Variants in ANK2 observed in about 807,000 individuals in gnomAD.
The protein encoded by ANK2 is ankyrin-2.
ANK2 carries 83 observed loss-of-function variants against 360.5 expected under a neutral mutation model. That is an observed-to-expected ratio of 0.23 (90% CI 0.19 to 0.28). ANK2 has a LOEUF of 0.28. Among genes scored for constraint, ANK2 ranks in the 10% least tolerant of loss-of-function variants. The probability of loss-of-function intolerance (pLI) is 1.00; values close to 1 mark genes in which losing one functional copy is unlikely to be tolerated. For missense variants in ANK2, 4,201 were observed against 4,795.7 expected, an observed-to-expected ratio of 0.88 and a Z score of 3.66; for synonymous variants, 1,740 against 1,759.5, an observed-to-expected ratio of 0.99 and a Z score of 0.28.
chr4:112,917,601 T>C (rs1459401630), intron 2 of ANK2, among the ~76,000 whole-genome samples: 1 of 152,222 alleles, frequency 6.6e-6, no homozygotes, highest in Non-Finnish European at 1.5e-5. Context: ...TATTAAGATA[T>C]ATTATTAGAT....
rs1024508602 is a variant in ANK2, at chr4:113,298,196, T to C, written c.2476-4571T>C. ...TTCAGTGACTCACCTTTGTTAGGAC[T>C]TCAAAAAACATCTACCCTAGTTTTT... is the stretch of plus-strand genomic sequence containing the variant. On this transcript the variant is annotated intron_variant, in intron 22 of 45. Transcript: ENST00000357077. Among the ~76,000 whole-genome samples the C allele has an allele frequency of 3.7e-4, 57 of 152,218 alleles. 1 individual carries two copies. Among genetic ancestry groups the C allele is most frequent in the African/African-American group, 1.3e-3 (54 of 41,448 alleles).
At chr4:112,890,445 T>C (rs1181378546) in intron 1 of ANK2, among the ~76,000 whole-genome samples, 3 of 152,056 alleles carry the variant, frequency 2.0e-5, no homozygotes, top group Non-Finnish European at 2.9e-5. Flanking sequence ...GAATATTACA[T>C]GTCCTTCAAA....
chr4:112,926,475 G>T (rs1183134538), intron 2 of ANK2, among the ~76,000 whole-genome samples: 1 of 152,166 alleles, frequency 6.6e-6, no homozygotes. Flanking sequence ...ATTCAATTAT[G>T]TCAGCATAAA....
chr4:113,014,639 CT>C (rs35418045), intron 2 of ANK2, among the ~76,000 whole-genome samples: 2 of 151,208 alleles, frequency 1.3e-5, no homozygotes, highest in African/African-American at 2.4e-5. Flanking sequence ...GGCCCAGAAT[CT>C]TTTTTTTTGT....
intron 4 of ANK2, among the ~76,000 whole-genome samples, chr4:113,210,439 C>T (rs1385089377): frequency 6.6e-6 from 1 of 152,096 alleles, no homozygotes; most frequent in African/African-American, 2.4e-5. Context: ...AAGTAGCAGG[C>T]TTGGAAGAAT....
In ANK2 at chr4:112,996,443, GA is replaced by G. The variant is rs1158406134; in HGVS notation, c.21+91933del. ...CTCTAATAAAACTATATTTTAAAAG[GA>G]AAAGATATTTACTCGTTTTGCACAT... On this transcript the variant is annotated intron_variant, in intron 2 of 30. Coordinates refer to the ANK2 transcript ENST00000503271. 5.9e-5 allele frequency among the ~76,000 whole-genome samples: 9 copies of G among 152,084 alleles called. No homozygotes were observed. In the East Asian group the frequency reaches 1.5e-3, roughly 26 times the overall value.
At chr4:113,271,029 G>A (rs544507038) in intron 14 of ANK2, among the ~76,000 whole-genome samples, 4 of 152,286 alleles carry the variant, frequency 2.6e-5, no homozygotes, top group South Asian at 2.1e-4. Context: ...GTGGCTTAGC[G>A]TCCTGAAATT....
intron 2 of ANK2, among the ~76,000 whole-genome samples, chr4:112,915,519 G>A (rs1340596546): frequency 1.3e-5 from 2 of 152,128 alleles, no homozygotes; most frequent in Admixed American, 1.3e-4. Flanking sequence ...GGGAGGCCGA[G>A]TTGGGTGGAT....
At chr4:112,987,958 T>C (rs1487116071) in intron 2 of ANK2, among the ~76,000 whole-genome samples, 4 of 151,954 alleles carry the variant, frequency 2.6e-5, no homozygotes, top group South Asian at 4.2e-4. Context: ...GCATAAGATA[T>C]AGAAATAGGA....
chr4:112,983,145 G>C (rs1050919971), intron 2 of ANK2, among the ~76,000 whole-genome samples: 1 of 152,020 alleles, frequency 6.6e-6, no homozygotes, highest in African/African-American at 2.4e-5. Flanking sequence ...AAGAAAAACG[G>C]TCATGCTGAA....
At chr4:113,309,150 C>T (rs891735512) in intron 23 of ANK2, among the ~76,000 whole-genome samples, 8 of 152,162 alleles carry the variant, frequency 5.3e-5, no homozygotes, top group Non-Finnish European at 7.3e-5. Context: ...GATTTATATA[C>T]ATCTAACTGT....
At chr4:113,120,438 C>T (rs1012858989) in intron 1 of ANK2, among the ~76,000 whole-genome samples, 14 of 151,994 alleles carry the variant, frequency 9.2e-5, no homozygotes, top group Non-Finnish European at 1.9e-4. Flanking sequence ...CACAAATTTG[C>T]GAGACTTAGT....
chr4:112,853,775 G>A (rs2065627552), intron 1 of ANK2, among the ~76,000 whole-genome samples: 1 of 152,302 alleles, frequency 6.6e-6, no homozygotes, highest in South Asian at 2.1e-4. Flanking sequence ...AAGAATGGGG[G>A]AAATCTAGGA....
Position 113,359,007 on chromosome 4 carries a change from T to C in ANK2, c.10389T>C (p.Ser3463=). ...GGGGCACGAGCCCCACAAAAGAAAG[T>C]AAGGAGCATTTCTTTGACCTTTACA... ...CRGGTSPTKE[S]KEHFFDLYRN... is the part of the protein sequence containing the mutation. Residue 3463 remains serine, a synonymous_variant, in exon 38 of 46, where the codon AGT becomes AGC. Transcript: ENST00000357077. 2 of 1,614,096 alleles carry C rather than the reference T, an allele frequency of 1.2e-6. No homozygotes were observed. The highest frequency in any genetic ancestry group is 1.7e-6 in the Non-Finnish European group (2 of 1,179,964).
rs913438901 is a variant in ANK2 at position 113,374,954 on chromosome 4, A to G, written c.11859+1505A>G. 22 of 1,121,330 alleles carry G rather than the reference A, an allele frequency of 2.0e-5. No individual in the cohort carries two copies. The Admixed American group carries it at 7.6e-4, about 39-fold the overall frequency. The allele number at this position is 1,121,330 out of a possible 1,614,324, so 69.5% of individuals were successfully genotyped here. The stretch of plus-strand genomic sequence containing the variant: ...AAAGATGACTTTGAAGAGGTATAGA[A>G]GCATCATCATTTGTCTTTTTATGTG... On this transcript the variant is annotated intron_variant, in intron 45 of 45. Transcript: ENST00000357077.
At chr4:113,208,558 A>T (rs2098982416) in intron 4 of ANK2, among the ~76,000 whole-genome samples, 1 of 151,942 alleles carries the variant, frequency 6.6e-6, no homozygotes, top group Admixed American at 6.5e-5. Context: ...GCTGGAGTGC[A>T]GTGGCATGAT....
the ANK2 span, among the ~76,000 whole-genome samples, chr4:112,786,437 G>A: frequency 2.1e-4 from 30 of 140,596 alleles, no homozygotes; most frequent in Admixed American, 3.8e-4. Context: ...TTGCTTTGTC[G>A]CCCAGGCTGG....
chr4:112,903,529 G>A (rs2084161726), intron 1 of ANK2, among the ~76,000 whole-genome samples: 1 of 152,110 alleles, frequency 6.6e-6, no homozygotes, highest in African/African-American at 2.4e-5. Context: ...GTTCCAATAT[G>A]CTTTGAAAAA....
intron 1 of ANK2, among the ~76,000 whole-genome samples, chr4:113,122,301 T>C (rs1348985760): frequency 6.6e-6 from 1 of 152,022 alleles, no homozygotes. Flanking sequence ...CAGCAGCCTG[T>C]TTCTGAAGGG....
Sources: allele counts gnomAD v4.1 joint callset (sites outside exome capture counted in the v4.1 genomes callset), GRCh38; gene constraint gnomAD v4.1.1; transcripts MANE v1.5; gene names NCBI Gene and HGNC (gene_info 2026-07-23, HGNC 2026-07-21).